Variants in CRISPLD2 observed in about 807,000 individuals in gnomAD.
The protein encoded by CRISPLD2 is cysteine-rich secretory protein LCCL domain-containing 2.
A neutral mutation model predicts 71.1 loss-of-function variants in CRISPLD2; 47 were observed. The ratio of observed to expected loss-of-function variants is 0.66; its 90% CI spans 0.52 to 0.84. CRISPLD2 has a LOEUF of 0.84. Ranked by LOEUF, CRISPLD2 falls within the 40% of genes least tolerant of loss-of-function variation. The pLI is 0.00. For synonymous variants in CRISPLD2, 317 were observed against 250.1 expected, an observed-to-expected ratio of 1.27 and a Z score of -2.52; for missense variants, 830 against 651.1, an observed-to-expected ratio of 1.27 and a Z score of -2.99.
chr16:84,845,637 C>A (rs1389610467), intron 2 of CRISPLD2, 149 bp from the exon 3 acceptor site: 2 of 642,126 alleles, frequency 3.1e-6, no homozygotes, highest in Admixed American at 2.6e-5. Flanking sequence ...TGCCACGCCC[C>A]CCTGGCTGAT....
intron 14 of CRISPLD2, among the ~76,000 whole-genome samples, chr16:84,904,766 T>C (rs1338131929): frequency 6.6e-6 from 1 of 152,172 alleles, no homozygotes; most frequent in Non-Finnish European, 1.5e-5. Flanking sequence ...CAAGTAAAAC[T>C]GTGATGTTGG....
chr16:84,863,473 A>G (rs1917445071), intron 6 of CRISPLD2, among the ~76,000 whole-genome samples: 1 of 152,198 alleles, frequency 6.6e-6, no homozygotes, highest in Non-Finnish European at 1.5e-5. Context: ...AGGATATAAA[A>G]AAAGAGGTAT....
intron 2 of CRISPLD2, among the ~76,000 whole-genome samples, chr16:84,843,945 G>C (rs1016230779): frequency 9.9e-5 from 15 of 152,200 alleles, no homozygotes; most frequent in African/African-American, 3.6e-4. Flanking sequence ...CGGTTGTGTT[G>C]GGCAGGTACT....
At chr16:84,846,672 C>T (rs1277956691) in intron 3 of CRISPLD2, among the ~76,000 whole-genome samples, 1 of 152,182 alleles carries the variant, frequency 6.6e-6, no homozygotes, top group Non-Finnish European at 1.5e-5. Flanking sequence ...CTGTTTAAGG[C>T]TGAGCCAGGT....
chr16:84,823,510 G>A (rs1305838524), intron 1 of CRISPLD2, among the ~76,000 whole-genome samples: 2 of 152,188 alleles, frequency 1.3e-5, no homozygotes, highest in Non-Finnish European at 2.9e-5. Flanking sequence ...CCTTCTCCAT[G>A]GGTGCAGGGA....
At chr16:84,876,887 C>A (rs2071523427) in intron 11 of CRISPLD2, among the ~76,000 whole-genome samples, 2 of 152,218 alleles carry the variant, frequency 1.3e-5, no homozygotes, top group Admixed American at 1.3e-4. Context: ...GAACTGTTTC[C>A]TTACCTGTGT....
At chr16:84,865,651 G>A (rs1056789630) in intron 6 of CRISPLD2, among the ~76,000 whole-genome samples, 4 of 152,132 alleles carry the variant, frequency 2.6e-5, no homozygotes, top group Non-Finnish European at 4.4e-5. Flanking sequence ...AAGGTATTAA[G>A]TGTCCCCAGC....
intron 14 of CRISPLD2, among the ~76,000 whole-genome samples, chr16:84,905,412 T>G (rs1327785481): frequency 1.3e-5 from 2 of 152,124 alleles, no homozygotes; most frequent in Admixed American, 1.3e-4. Context: ...TTTTTTTTTG[T>G]TTTTTGAAAC....
intron 14 of CRISPLD2, among the ~76,000 whole-genome samples, chr16:84,898,344 C>T (rs904430588): frequency 1.4e-4 from 22 of 152,288 alleles, no homozygotes; most frequent in East Asian, 5.8e-4. Context: ...CATTCAAGGC[C>T]GCAGCTGCTT....
intron 2 of CRISPLD2, among the ~76,000 whole-genome samples, chr16:84,842,976 T>G (rs1433774713): frequency 6.6e-6 from 1 of 152,212 alleles, no homozygotes; most frequent in Non-Finnish European, 1.5e-5. Flanking sequence ...TTCTTGTCCC[T>G]GCACTGTGTG....
At chr16:84,872,887 C>G (rs939250902) in intron 9 of CRISPLD2, 105 bp from the exon 10 acceptor site, 15 of 1,419,128 alleles carry the variant, frequency 1.1e-5, no homozygotes, top group Non-Finnish European at 1.3e-5. Context: ...TTGGCCTGTC[C>G]TTCAGGCTTT....
chr16:84,905,093 C>T (rs951407193), intron 14 of CRISPLD2, among the ~76,000 whole-genome samples: 1 of 152,064 alleles, frequency 6.6e-6, no homozygotes, highest in African/African-American at 2.4e-5. Context: ...CCAGCCTGGG[C>T]AACATAGTGA....
intron 1 of CRISPLD2, among the ~76,000 whole-genome samples, chr16:84,831,251 C>T (rs1486881418): frequency 6.6e-6 from 1 of 152,160 alleles, no homozygotes; most frequent in Non-Finnish European, 1.5e-5. Context: ...TGGGTGGCAC[C>T]TGGCCAGGTG....
chr16:84,882,494 T>G (rs1474417145), intron 13 of CRISPLD2, among the ~76,000 whole-genome samples: 1 of 152,048 alleles, frequency 6.6e-6, no homozygotes, highest in African/African-American at 2.4e-5. Context: ...CACTGCAACC[T>G]CCCAGGTTCA....
At chr16:84,830,117 G>A (rs1209762697) in intron 1 of CRISPLD2, among the ~76,000 whole-genome samples, 1 of 152,186 alleles carries the variant, frequency 6.6e-6, no homozygotes, top group African/African-American at 2.4e-5. Context: ...AAGCTCGGGA[G>A]TTCGAGGGTG....
At chr16:84,851,656 G>T (rs1020895010) in intron 5 of CRISPLD2, among the ~76,000 whole-genome samples, 11 of 152,226 alleles carry the variant, frequency 7.2e-5, no homozygotes, top group African/African-American at 2.4e-4. Context: ...GAGCGCAGCG[G>T]GTGTGTCATT....
chr16:84,848,798 C>T (rs1002592834), intron 3 of CRISPLD2, among the ~76,000 whole-genome samples: 19 of 152,084 alleles, frequency 1.2e-4, no homozygotes, highest in Non-Finnish European at 2.6e-4. Flanking sequence ...CTGTGAAATA[C>T]GGGCTTCATG....
chr16:84,847,565 C>T (rs537007447), intron 3 of CRISPLD2, among the ~76,000 whole-genome samples: 43 of 151,982 alleles, frequency 2.8e-4, no homozygotes, highest in Non-Finnish European at 5.0e-4. Flanking sequence ...GCAGGAGAAT[C>T]GCTTGAACCC....
intron 6 of CRISPLD2, among the ~76,000 whole-genome samples, chr16:84,862,340 C>A (rs1006276931): frequency 1.3e-5 from 2 of 152,084 alleles, no homozygotes; most frequent in African/African-American, 4.8e-5. Context: ...GTAGCTGGGA[C>A]TATAGGCACA....
Sources: allele counts gnomAD v4.1 joint callset (sites outside exome capture counted in the v4.1 genomes callset), GRCh38; gene constraint gnomAD v4.1.1; transcripts MANE v1.5; gene names NCBI Gene and HGNC (gene_info 2026-07-23, HGNC 2026-07-21).